The following COL4A5 variants were observed in gnomAD, a reference collection of about 807,000 sequenced individuals.
COL4A5 encodes collagen type IV alpha 5 chain.
A neutral mutation model predicts 130.2 loss-of-function variants in COL4A5; 26 were observed. The ratio of observed to expected loss-of-function variants is 0.20; its 90% CI spans 0.15 to 0.28. COL4A5 has a LOEUF of 0.28. Ranked by LOEUF, COL4A5 falls within the 10% of genes least tolerant of loss-of-function variation. The pLI is 1.00. For synonymous variants in COL4A5, 496 were observed against 439.6 expected, an observed-to-expected ratio of 1.13 and a Z score of -1.60; for missense variants, 1,131 against 1,344.3, an observed-to-expected ratio of 0.84 and a Z score of 2.48.
At position 108,529,257 on chromosome X, in the gene COL4A5, A is replaced by G. The variant is rs777164071; in HGVS notation, c.82-10489A>G. On this transcript the variant is annotated intron_variant, in intron 1 of 52. Transcript: ENST00000328300. ...AGAAGAAATAAAAAATCTTTCACAG[A>G]TAAGCAAATGCTGAGGGAATTCTTT... 8.7e-4 allele frequency among the ~76,000 whole-genome samples: 98 copies of G among 112,195 alleles called. 1 individual carries two copies. Among genetic ancestry groups the G allele is most frequent in the African/African-American group, 3.1e-3 (95 of 30,974 alleles).
chrX:108,531,979 T>C (rs1022311246), intron 1 of COL4A5, among the ~76,000 whole-genome samples: 2 of 111,479 alleles, frequency 1.8e-5, no homozygotes, highest in African/African-American at 6.5e-5. Flanking sequence ...CAGGACCAGA[T>C]GGATACACAG....
At chrX:108,613,654 C>T (rs2066875466) in intron 29 of COL4A5, among the ~76,000 whole-genome samples, 1 of 111,428 alleles carries the variant, frequency 9.0e-6, no homozygotes, top group African/African-American at 3.3e-5. Context: ...AAAGAAGACA[C>T]CCAAATGTCT....
chrX:108,683,048 A>C (rs2068468467), intron 47 of COL4A5, among the ~76,000 whole-genome samples: 1 of 111,940 alleles, frequency 8.9e-6, no homozygotes, highest in South Asian at 3.7e-4. Context: ...TAAGTCTTTA[A>C]CTTATCTTGA....
At chrX:108,628,218 G>T (rs769786406) in intron 36 of COL4A5, among the ~76,000 whole-genome samples, 3 of 110,399 alleles carry the variant, frequency 2.7e-5, no homozygotes, top group Admixed American at 9.7e-5. Flanking sequence ...AACATATTTT[G>T]CACTGAAGAT....
At chrX:108,575,290 G>A (rs775688802) in intron 9 of COL4A5, among the ~76,000 whole-genome samples, 1 of 111,477 alleles carries the variant, frequency 9.0e-6, no homozygotes, top group Non-Finnish European at 1.9e-5. Context: ...TATCTTGAAA[G>A]TAGTAGCCTT....
At chrX:108,691,405 A>G (rs769097702) in intron 49 of COL4A5, among the ~76,000 whole-genome samples, 1 of 111,498 alleles carries the variant, frequency 9.0e-6, no homozygotes, top group Non-Finnish European at 1.9e-5. Flanking sequence ...GTTTTGTTAA[A>G]GTCTCCATTA....
intron 1 of COL4A5, among the ~76,000 whole-genome samples, chrX:108,467,415 T>A (rs1050459730): frequency 8.0e-5 from 9 of 112,041 alleles, no homozygotes; most frequent in Non-Finnish European, 1.7e-4. Context: ...TGTAGTAAGG[T>A]TTGAAATCAG....
chrX:108,460,091 A>G (rs1306314468), intron 1 of COL4A5, among the ~76,000 whole-genome samples: 1 of 111,741 alleles, frequency 8.9e-6, no homozygotes, highest in African/African-American at 3.3e-5. Context: ...GGCCTTACAC[A>G]TTTTGAGTTC....
chrX:108,671,130 T>G (rs935513571), intron 42 of COL4A5, among the ~76,000 whole-genome samples: 6 of 111,512 alleles, frequency 5.4e-5, no homozygotes, highest in African/African-American at 2.0e-4. Context: ...CAAAGAACAA[T>G]TACCAAGAGC....
At chrX:108,536,468 G>C (rs2065459200) in intron 1 of COL4A5, among the ~76,000 whole-genome samples, 2 of 110,907 alleles carry the variant, frequency 1.8e-5, no homozygotes, top group South Asian at 7.5e-4. Flanking sequence ...TCATTTTCTT[G>C]CTTCTTTCAT....
chrX:108,598,969 C>T, intron 25 of COL4A5, 99 bp downstream of exon 25: 1 of 867,639 alleles, frequency 1.2e-6, no homozygotes, highest in Non-Finnish European at 1.7e-6. Context: ...GTGTGTTTCC[C>T]TGGCCGTTTA....
chrX:108,551,254 G>A (rs2065748444), intron 2 of COL4A5, among the ~76,000 whole-genome samples: 1 of 111,025 alleles, frequency 9.0e-6, no homozygotes, highest in African/African-American at 3.3e-5. Context: ...ATCCAACAAA[G>A]ATCTAATATC....
At chrX:108,550,113 G>A (rs2065728031) in intron 2 of COL4A5, among the ~76,000 whole-genome samples, 1 of 111,550 alleles carries the variant, frequency 9.0e-6, no homozygotes, top group Non-Finnish European at 1.9e-5. Context: ...AAGTGACAGT[G>A]TCAATCTTGC....
intron 44 of COL4A5, among the ~76,000 whole-genome samples, chrX:108,678,597 G>A (rs966229962): frequency 2.0e-4 from 22 of 111,108 alleles, no homozygotes; most frequent in Non-Finnish European, 3.8e-4. Flanking sequence ...CAAATGTCTT[G>A]GCTGCAGCCT....
At chrX:108,674,549 G>T in intron 42 of COL4A5, 196 bp from the exon 43 acceptor site, 1 of 361,587 alleles carries the variant, frequency 2.8e-6, no homozygotes, top group Non-Finnish European at 4.7e-6. Context: ...AAAAAGTTTG[G>T]CTCTCTATAC....
At chrX:108,513,784 TCA>T (rs1215582930) in intron 1 of COL4A5, among the ~76,000 whole-genome samples, 2 of 106,419 alleles carry the variant, frequency 1.9e-5, no homozygotes, top group African/African-American at 7.8e-5. Flanking sequence ...CTGCTTAATC[TCA>T]AGTCATGTTT....
rs753762845 is a variant in COL4A5, at chrX:108,692,075, AAG to A, written c.4529-668_4529-667del. ...TAGATATGTTAACTTTCAAAAGTGTAAGAGAGTGCATTTTTCATCATTCTTTT... is the reference window on the plus strand; with the variant it reads ...TAGATATGTTAACTTTCAAAAGTGTAAGAGTGCATTTTTCATCATTCTTTT... On this transcript the variant is annotated intron_variant, in intron 49 of 52. Coordinates refer to ENST00000328300, the MANE Select transcript of COL4A5 (RefSeq NM_033380.3). 3.6e-5 allele frequency among the ~76,000 whole-genome samples: 4 copies of A among 112,039 alleles called. No homozygotes were observed. The South Asian group carries it at 1.5e-3, about 42-fold the overall frequency.
intron 40 of COL4A5, among the ~76,000 whole-genome samples, chrX:108,667,453 A>C (rs1023216110): frequency 9.0e-6 from 1 of 111,471 alleles, no homozygotes; most frequent in Non-Finnish European, 1.9e-5. Flanking sequence ...GAAAGAAGGC[A>C]AAATTGCAGG....
intron 1 of COL4A5, among the ~76,000 whole-genome samples, chrX:108,468,405 A>G (rs1248610060): frequency 8.9e-6 from 1 of 112,233 alleles, no homozygotes; most frequent in Non-Finnish European, 1.9e-5. Flanking sequence ...GTTGAATGGA[A>G]TTGGTGAAAC....
Sources: gnomAD v4.1 joint callset for allele counts (sites outside exome capture counted in the v4.1 genomes callset) on GRCh38, gnomAD v4.1.1 for gene constraint, MANE v1.5 for transcripts, NCBI Gene and HGNC (gene_info 2026-07-23, HGNC 2026-07-21) for gene names.